Variants in CUX2 observed in about 807,000 individuals in gnomAD.
CUX2 encodes the protein homeobox protein cut-like 2.
Under a neutral mutation model 144.8 loss-of-function variants are expected in CUX2, and 40 were observed. The observed-to-expected ratio is 0.28, with a 90% CI of 0.21 to 0.36. The LOEUF (loss-of-function observed/expected upper bound fraction) is 0.36, where lower values mean the gene tolerates loss of function less well. CUX2 is among the 10% of genes least tolerant of loss of function. The pLI, the probability that CUX2 is intolerant of heterozygous loss-of-function variation, is 1.00. For missense variants in CUX2, 1,615 were observed against 1,994.0 expected, an observed-to-expected ratio of 0.81 and a Z score of 3.62; for synonymous variants, 827 against 875.6, an observed-to-expected ratio of 0.94 and a Z score of 0.98.
At position 111,320,050 on chromosome 12, in the gene CUX2, A is replaced by G; in HGVS notation, c.2041A>G (p.Asn681Asp). ...CTCGGTGGCCCCGCTGAGCATCGCCAACGGCACGACCCCCGCCAGCACCTC... is the reference window on the plus strand; with the variant it reads ...CTCGGTGGCCCCGCTGAGCATCGCCGACGGCACGACCCCCGCCAGCACCTC... ...KTSVAPLSIANGTTPASTSED... is the reference protein window; with the variant it reads ...KTSVAPLSIADGTTPASTSED... The change falls in exon 17 of 22, where the codon AAC (asparagine) becomes GAC (aspartate). Residue 681 changes from asparagine (N) to aspartate (D), a missense_variant. By Grantham distance (23) the Asn-to-Asp change is conservative. Coordinates refer to ENST00000261726, the MANE Select transcript of CUX2 (RefSeq NM_015267.4). The surrounding 1 kb of genome is among the most constrained non-coding windows in gnomAD (Gnocchi z 8.1). 6.5e-7 allele frequency: 1 copy of G among 1,543,068 alleles called. No individual in the cohort carries two copies. The highest frequency in any genetic ancestry group is 1.4e-5 in the African/African-American group (1 of 72,728).
rs147041464 is a variant in CUX2, at chr12:111,227,630, C to G, written c.222+9693C>G. On this transcript the variant is annotated intron_variant, in intron 3 of 21. Coordinates refer to ENST00000261726, the MANE Select transcript of CUX2 (RefSeq NM_015267.4). ...GGGGCAGCCTTGTGTCCCCCTCCTG[C>G]GCACTCTGGCTTTCTCCTATATTTT... 5.0e-3 allele frequency among the ~76,000 whole-genome samples: 762 copies of G among 152,248 alleles called. 6 individuals are homozygous for G. The highest frequency in any genetic ancestry group is 0.017 in the African/African-American group (686 of 41,542).
intron 4 of CUX2, among the ~76,000 whole-genome samples, chr12:111,283,997 C>G (rs1454827129): frequency 2.0e-5 from 3 of 152,168 alleles, no homozygotes. Flanking sequence ...ATCCTCCCTC[C>G]TCCTTCCCTC....
intron 3 of CUX2, among the ~76,000 whole-genome samples, chr12:111,228,257 G>A (rs970787409): frequency 2.6e-5 from 4 of 152,120 alleles, no homozygotes; most frequent in Non-Finnish European, 5.9e-5. Context: ...GACTGCCTGG[G>A]TTCAACTCCC....
intron 19 of CUX2, among the ~76,000 whole-genome samples, chr12:111,336,046 G>C (rs1888335306): frequency 6.6e-6 from 1 of 152,228 alleles, no homozygotes; most frequent in South Asian, 2.1e-4. Context: ...CAAAGTGAAT[G>C]CAGGTCTGAG....
chr12:111,138,786 C>G (rs2136120335), intron 1 of CUX2, among the ~76,000 whole-genome samples: 1 of 152,142 alleles, frequency 6.6e-6, no homozygotes, highest in South Asian at 2.1e-4. Context: ...AGCCCACAGC[C>G]CCTGAGTGAC....
intron 1 of CUX2, among the ~76,000 whole-genome samples, chr12:111,147,480 G>T (rs549421797): frequency 6.6e-6 from 1 of 152,170 alleles, no homozygotes; most frequent in African/African-American, 2.4e-5. Context: ...TGCCCAAGGG[G>T]CCCCCTTTCC....
At chr12:111,326,813 A>G (rs1310921812) in intron 18 of CUX2, among the ~76,000 whole-genome samples, 1 of 152,112 alleles carries the variant, frequency 6.6e-6, no homozygotes, top group Non-Finnish European at 1.5e-5. Flanking sequence ...CTAAGGCGAG[A>G]GGATCGCTTG....
intron 16 of CUX2, among the ~76,000 whole-genome samples, chr12:111,316,102 T>C (rs1271646674): frequency 1.3e-5 from 2 of 152,114 alleles, no homozygotes; most frequent in Non-Finnish European, 2.9e-5. Flanking sequence ...AGTATGAGTT[T>C]TTTTTAATCG....
At chr12:111,268,185 C>T (rs1020363786) in intron 4 of CUX2, among the ~76,000 whole-genome samples, 1 of 151,558 alleles carries the variant, frequency 6.6e-6, no homozygotes, top group East Asian at 2.0e-4. Flanking sequence ...TTAATTATAT[C>T]GGCAAAGACA....
At chr12:111,107,364 C>A (rs1372726588) in intron 1 of CUX2, among the ~76,000 whole-genome samples, 2 of 152,274 alleles carry the variant, frequency 1.3e-5, no homozygotes, top group Admixed American at 1.3e-4. Context: ...TGACATCTGA[C>A]TGGGGTGCAT....
intron 4 of CUX2, among the ~76,000 whole-genome samples, chr12:111,279,763 C>T (rs1363706093): frequency 2.0e-5 from 3 of 152,152 alleles, no homozygotes; most frequent in Non-Finnish European, 4.4e-5. Flanking sequence ...GCCAGCAGAT[C>T]GCAAGGTCAA....
In CUX2 at chr12:111,160,837, A is replaced by C. The variant is rs1405460595; in HGVS notation, c.64-53363A>C. Among the ~76,000 whole-genome samples the C allele has an allele frequency of 6.6e-6, 1 of 152,106 alleles. No individual in the cohort carries two copies. Among genetic ancestry groups the C allele is most frequent in the Non-Finnish European group, 1.5e-5 (1 of 68,016 alleles). ...TAATGTGTCGGGATGGAATGAATGA[A>C]GATGACTCCCGGGCTCCTGGCCTGA... On this transcript the variant is annotated intron_variant, in intron 1 of 21. Coordinates refer to ENST00000261726, the MANE Select transcript of CUX2 (RefSeq NM_015267.4). This position sits in a 1 kb window ranked among gnomAD's most constrained non-coding sequence, Gnocchi z 4.1.
chr12:111,316,379 C>CA (rs1355755406), intron 16 of CUX2, among the ~76,000 whole-genome samples: 1 of 148,476 alleles, frequency 6.7e-6, no homozygotes, highest in Non-Finnish European at 1.5e-5. Context: ...CTCCTGACCT[C>CA]AGATGATCCG....
intron 6 of CUX2, among the ~76,000 whole-genome samples, chr12:111,294,597 AAAAAAAG>A (rs1298204470): frequency 1.3e-5 from 2 of 151,472 alleles, no homozygotes; most frequent in African/African-American, 4.8e-5. Context: ...AAAAAAAAAA[AAAAAAAG>A]AAAGAAAACA....
chr12:111,275,507 G>A (rs952676513), intron 4 of CUX2, among the ~76,000 whole-genome samples: 4 of 152,168 alleles, frequency 2.6e-5, no homozygotes, highest in African/African-American at 4.8e-5. Flanking sequence ...GAAGGCTTCC[G>A]GGAGAAGTGC....
chr12:111,211,525 T>C (rs1881226952), intron 1 of CUX2, among the ~76,000 whole-genome samples: 2 of 152,130 alleles, frequency 1.3e-5, no homozygotes. Context: ...GAGGCAAAGT[T>C]CACCCCCACC....
intron 1 of CUX2, among the ~76,000 whole-genome samples, chr12:111,080,801 G>A (rs1871842878): frequency 6.6e-6 from 1 of 152,218 alleles, no homozygotes; most frequent in South Asian, 2.1e-4. Flanking sequence ...GAAGGAATGA[G>A]TGAAATAAGT....
intron 1 of CUX2, among the ~76,000 whole-genome samples, chr12:111,212,322 C>A (rs916291752): frequency 2.0e-5 from 3 of 152,192 alleles, no homozygotes; most frequent in Non-Finnish European, 4.4e-5. Context: ...CCCCCATGTA[C>A]TTTCAAGTGG....
intron 1 of CUX2, among the ~76,000 whole-genome samples, chr12:111,049,505 G>A (rs553674428): frequency 6.6e-6 from 1 of 152,366 alleles, no homozygotes; most frequent in South Asian, 2.1e-4. Flanking sequence ...AATTAGCACA[G>A]TAATCAGAGG....
Sources: gnomAD v4.1 joint callset for allele counts (sites outside exome capture counted in the v4.1 genomes callset) on GRCh38, gnomAD v4.1.1 for gene constraint, Gnocchi (gnomAD v3.1) non-coding constraint, MANE v1.5 for transcripts, NCBI Gene and HGNC (gene_info 2026-07-23, HGNC 2026-07-21) for gene names.